Variants in CLASP1 observed in about 807,000 individuals in gnomAD.
CLASP1 encodes CLIP-associating protein 1.
CLASP1 carries 38 observed loss-of-function variants against 192.3 expected under a neutral mutation model. The observed-to-expected ratio is 0.20, with a 90% confidence interval of 0.15 to 0.26. The LOEUF is 0.26. Among genes scored for constraint, CLASP1 ranks in the 10% least tolerant of loss-of-function variants. CLASP1 has a pLI of 1.00. For synonymous variants in CLASP1, 691 were observed against 712.8 expected (o/e 0.97, Z 0.49); for missense variants, 1,433 against 1,932.5 (o/e 0.74, Z 4.85).
chr2:121,546,374 C>A (rs978167915), intron 2 of CLASP1, among the ~76,000 whole-genome samples: 1 of 150,936 alleles, frequency 6.6e-6, no homozygotes, highest in Non-Finnish European at 1.5e-5. Flanking sequence ...GCAGCTCTCA[C>A]GAGAGGAGCG....
chr2:121,442,226 A>G (rs1336255513), intron 19 of CLASP1, among the ~76,000 whole-genome samples: 1 of 152,218 alleles, frequency 6.6e-6, no homozygotes, highest in East Asian at 1.9e-4. Context: ...TGTGCAACAT[A>G]AAAGACATTA....
chr2:121,369,800 TA>T (rs2068222457), intron 34 of CLASP1, among the ~76,000 whole-genome samples: 1 of 152,364 alleles, frequency 6.6e-6, no homozygotes, highest in Non-Finnish European at 1.5e-5. Context: ...CTACTGTAGA[TA>T]ATGCTGAAAT....
intron 2 of CLASP1, among the ~76,000 whole-genome samples, chr2:121,555,988 C>CTTTT (rs34423741): frequency 0.012 from 489 of 42,408 alleles, 104 homozygotes; most frequent in African/African-American, 0.037. Context: ...CTACCCACCG[C>CTTTT]TTTTTTTTTT....
At chr2:121,502,517 G>A (rs190582586) in intron 8 of CLASP1, among the ~76,000 whole-genome samples, 21 of 152,290 alleles carry the variant, frequency 1.4e-4, no homozygotes, top group African/African-American at 4.3e-4. Context: ...TCAGGCAGAA[G>A]GAATTACAAG....
Position 121,531,004 on chromosome 2 carries a change from A to T in CLASP1, c.196-679T>A, listed in dbSNP as rs1029551062. On this transcript the variant is annotated intron_variant, in intron 2 of 39. Transcript: ENST00000263710. ...TGCTTTATTTTGGTGCAATTTTTGG[A>T]AAAATGAAAACCTGTTTTCATAGAC... 4.3e-6 allele frequency: 3 copies of T among 699,594 alleles called. No homozygotes were observed. Among genetic ancestry groups the T allele is most frequent in the African/African-American group, 3.5e-5 (2 of 56,690 alleles). The allele number at this position is 699,594 out of a possible 1,614,324, so 43.3% of individuals were successfully genotyped here. A position where few individuals can be genotyped will look rare whatever the true frequency, so the allele number is the denominator to read the frequency against.
chr2:121,643,056 G>A (rs1222966693), intron 1 of CLASP1, among the ~76,000 whole-genome samples: 1 of 151,562 alleles, frequency 6.6e-6, no homozygotes, highest in African/African-American at 2.4e-5. Flanking sequence ...AGTAGTGAGG[G>A]AAAGTCCTAC....
chr2:121,530,934 G>GTAC (rs1553615617), intron 2 of CLASP1: 1 of 700,286 alleles, frequency 1.4e-6, no homozygotes, highest in African/African-American at 1.7e-5. Flanking sequence ...AGTGAGGGCA[G>GTAC]TACTGCTAAC....
intron 9 of CLASP1, among the ~76,000 whole-genome samples, chr2:121,466,800 T>C (rs1475899955): frequency 2.0e-5 from 3 of 152,228 alleles, no homozygotes; most frequent in African/African-American, 7.2e-5. Context: ...AAATGTGTTT[T>C]ATCTTATTTA....
chr2:121,384,165 T>TAC (rs113468785), intron 32 of CLASP1, among the ~76,000 whole-genome samples: 92 of 142,198 alleles, frequency 6.5e-4, no homozygotes, highest in East Asian at 4.7e-3. Context: ...CACATATATA[T>TAC]ATATACACAC....
At chr2:121,545,797 A>T (rs1263818456) in intron 2 of CLASP1, among the ~76,000 whole-genome samples, 2 of 152,206 alleles carry the variant, frequency 1.3e-5, no homozygotes, top group African/African-American at 2.4e-5. Context: ...AGCTGGTGAC[A>T]AACTGTTACC....
At chr2:121,498,627 C>T (rs1174351486) in intron 8 of CLASP1, among the ~76,000 whole-genome samples, 1 of 152,102 alleles carries the variant, frequency 6.6e-6, no homozygotes, top group African/African-American at 2.4e-5. Context: ...AAAGAAAACC[C>T]ATAGAATGGG....
chr2:121,473,454 A>G (rs962733288), intron 8 of CLASP1, among the ~76,000 whole-genome samples: 1 of 152,198 alleles, frequency 6.6e-6, no homozygotes, highest in Admixed American at 6.5e-5. Flanking sequence ...GAAAAAATAA[A>G]TAAACGGAAT....
intron 33 of CLASP1, among the ~76,000 whole-genome samples, chr2:121,381,853 T>C (rs111279485): frequency 1.0e-3 from 158 of 152,256 alleles, no homozygotes; most frequent in African/African-American, 3.6e-3. Flanking sequence ...TTTAGACGCA[T>C]GCTAAGGAAA....
At chr2:121,567,521 C>A (rs2059611523) in intron 2 of CLASP1, among the ~76,000 whole-genome samples, 1 of 152,238 alleles carries the variant, frequency 6.6e-6, no homozygotes, top group South Asian at 2.1e-4. Context: ...TTACCTCCCA[C>A]AGAAGGGCAG....
At chr2:121,528,035 T>C (rs2094623093) in intron 4 of CLASP1, 145 bp from the exon 5 acceptor site, 2 of 598,528 alleles carry the variant, frequency 3.3e-6, no homozygotes, top group South Asian at 2.1e-5. Flanking sequence ...GAGAGCATAC[T>C]GGAAAATGAT....
intron 1 of CLASP1, among the ~76,000 whole-genome samples, chr2:121,633,654 C>T (rs183996170): frequency 2.0e-5 from 3 of 152,226 alleles, no homozygotes; most frequent in Non-Finnish European, 4.4e-5. Flanking sequence ...AAGTCAATCT[C>T]CTTGTCTCAT....
chr2:121,435,305 G>C (rs534861208), intron 19 of CLASP1, among the ~76,000 whole-genome samples: 1 of 151,498 alleles, frequency 6.6e-6, no homozygotes, highest in Non-Finnish European at 1.5e-5. Context: ...GCAGAGTTTC[G>C]TTCTCGTTGC....
In CLASP1 at chr2:121,369,649, C is replaced by T. The variant is rs138904911; in HGVS notation, c.3643-1818G>A. ...ACGCAGCAGGAACCCGGTGTGCACG[C>T]TGGCTTCTGTTTTCCTTTCCCTACA... On this transcript the variant is annotated intron_variant, in intron 34 of 39. Transcript: ENST00000263710. 9.9e-5 allele frequency among the ~76,000 whole-genome samples: 15 copies of T among 152,234 alleles called. No homozygotes were observed. In the East Asian group the frequency reaches 2.9e-3, roughly 29 times the overall value.
chr2:121,546,384 G>A (rs1483899360), intron 2 of CLASP1, among the ~76,000 whole-genome samples: 1 of 151,400 alleles, frequency 6.6e-6, no homozygotes, highest in Admixed American at 6.6e-5. Context: ...CGAGAGGAGC[G>A]AAGGGGCGAG....
Sources: allele counts gnomAD v4.1 joint callset (sites outside exome capture counted in the v4.1 genomes callset), GRCh38; gene constraint gnomAD v4.1.1; transcripts MANE v1.5; gene names NCBI Gene and HGNC (gene_info 2026-07-23, HGNC 2026-07-21).